PLEKHA4: variants seen among roughly 807,000 people sequenced by gnomAD.
PLEKHA4 encodes pleckstrin homology domain containing A4.
In PLEKHA4, 73 loss-of-function variants were observed where a neutral mutation model predicts 94.7. The observed-to-expected ratio is 0.77, with a 90% CI of 0.64 to 0.94. The LOEUF is 0.94. PLEKHA4 is among the 40% of genes least tolerant of loss of function. The pLI is 0.00. For synonymous variants in PLEKHA4, 449 were observed against 437.1 expected (o/e 1.03, Z -0.34); for missense variants, 1,049 against 1,054.1 (o/e 1.00, Z 0.07).
chr19:48,842,175 C>T (rs1199367914), intron 16 of PLEKHA4, among the ~76,000 whole-genome samples: 1 of 136,640 alleles, frequency 7.3e-6, no homozygotes, highest in African/African-American at 2.9e-5. Context: ...GACAGAGTCT[C>T]GCTTTGTCAC....
At chr19:48,859,299 C>A (rs538216303) in intron 7 of PLEKHA4, 160 bp from the exon 8 acceptor site, 3 of 904,702 alleles carry the variant, frequency 3.3e-6, no homozygotes, top group Non-Finnish European at 5.1e-6. Context: ...CAGTAATGTC[C>A]GCTTTGTGGC....
chr19:48,843,407 C>T (rs2035840090), intron 16 of PLEKHA4, among the ~76,000 whole-genome samples: 2 of 151,892 alleles, frequency 1.3e-5, no homozygotes, highest in African/African-American at 4.8e-5. Flanking sequence ...TTTCGAACTC[C>T]TGACCTTGTG....
chr19:48,854,394 G>A (rs2036324323), intron 9 of PLEKHA4, 130 bp from the exon 10 acceptor site: 5 of 829,046 alleles, frequency 6.0e-6, no homozygotes, highest in African/African-American at 1.7e-5. Flanking sequence ...TTAGAGATAG[G>A]GTCTTGCTCT....
intron 9 of PLEKHA4, among the ~76,000 whole-genome samples, chr19:48,856,929 GAA>G (rs1167848701): frequency 8.1e-6 from 1 of 124,170 alleles, no homozygotes; most frequent in Non-Finnish European, 1.6e-5. Flanking sequence ...AAGAAAGAAA[GAA>G]AAGAAAAGAA....
At chr19:48,859,318 C>G in intron 7 of PLEKHA4, 151 bp downstream of exon 7, 1 of 930,616 alleles carries the variant, frequency 1.1e-6, no homozygotes, top group Non-Finnish European at 1.6e-6. Context: ...GCATCTTCCC[C>G]TCCAGTCTTC....
Position 48,854,164 on chromosome 19 carries a change from A to G in PLEKHA4, c.1095+53T>C, listed in dbSNP as rs1222107671. ...TGCCGCTCCTCCCATCATCTAGAAC[A>G]TTCTCTCCCCAACTCTGGGAACTCA... On this transcript the variant is annotated intron_variant, in intron 10 of 19. Coordinates refer to ENST00000263265, the MANE Select transcript of PLEKHA4 (RefSeq NM_020904.3). 8 of 1,612,434 alleles carry G rather than the reference A, an allele frequency of 5.0e-6. No individual in the cohort carries two copies. The South Asian group carries it at 7.7e-5, about 15-fold the overall frequency.
At chr19:48,858,424 C>T (rs972122308) in intron 8 of PLEKHA4, among the ~76,000 whole-genome samples, 6 of 151,902 alleles carry the variant, frequency 3.9e-5, no homozygotes, top group Admixed American at 6.6e-5. Flanking sequence ...GTCAGGAGTT[C>T]GAGACCAGCT....
At chr19:48,856,941 AAAAG>A (rs1439372429) in intron 9 of PLEKHA4, among the ~76,000 whole-genome samples, 1 of 127,924 alleles carries the variant, frequency 7.8e-6, no homozygotes, top group South Asian at 2.4e-4. Flanking sequence ...AAAGAAAAGA[AAAAG>A]AAAGAGAAAG....
intron 16 of PLEKHA4, 111 bp from the exon 17 acceptor site, chr19:48,841,421 G>A: frequency 8.4e-7 from 1 of 1,188,734 alleles, no homozygotes; most frequent in Non-Finnish European, 1.1e-6. Context: ...GAGGTCAGGA[G>A]TTGAAGACCA....
chr19:48,844,128 ATTATTATT>A (rs2035872625), intron 16 of PLEKHA4, among the ~76,000 whole-genome samples: 1 of 45,364 alleles, frequency 2.2e-5, no homozygotes, highest in Admixed American at 3.0e-4. Context: ...TTTTATTATT[ATTATTATT>A]ATTATTATTA....
intron 9 of PLEKHA4, among the ~76,000 whole-genome samples, chr19:48,855,085 T>C (rs147563029): frequency 2.9e-4 from 44 of 152,204 alleles, no homozygotes; most frequent in Middle Eastern, 6.8e-3. Context: ...TTCAGAAAGA[T>C]CAATAATGGG....
chr19:48,855,718 G>C (rs1350640755), intron 9 of PLEKHA4, among the ~76,000 whole-genome samples: 1 of 152,030 alleles, frequency 6.6e-6, no homozygotes, highest in African/African-American at 2.4e-5. Flanking sequence ...GGGCCCAGGA[G>C]ACTGAGGCTG....
chr19:48,848,130 TG>T, intron 13 of PLEKHA4, 90 bp from the exon 14 acceptor site: 1 of 1,349,582 alleles, frequency 7.4e-7, no homozygotes, highest in Non-Finnish European at 1.0e-6. Flanking sequence ...TGAAATCAGC[TG>T]GGCTATATTT....
rs1441389290 is a variant in PLEKHA4, at chr19:48,845,076, G to A, written c.1743+294C>T. On this transcript the variant is annotated intron_variant, in intron 16 of 19. Coordinates refer to ENST00000263265, the MANE Select transcript of PLEKHA4 (RefSeq NM_020904.3). ...GCTGGGATTACAGGCGTGAGCCACC[G>A]CGCCTGGCCTCATTCATCTAGTTTT... is the stretch of plus-strand genomic sequence containing the variant. The A allele has an allele frequency of 7.8e-5, 19 of 243,836 alleles. No individual in the cohort carries two copies. In the East Asian group the frequency reaches 1.4e-3, roughly 18 times the overall value. 15.1% of individuals were successfully genotyped at this position (243,836 alleles called of 1,614,324 possible).
Position 48,837,628 on chromosome 19 carries a change from G to A in PLEKHA4, c.2078-77C>T. On this transcript the variant is annotated intron_variant, in intron 19 of 19. Coordinates refer to ENST00000263265, the MANE Select transcript of PLEKHA4 (RefSeq NM_020904.3). The surrounding 1 kb of genome is among the most constrained non-coding windows in gnomAD (Gnocchi z 4.3). ...CGGATTCCCAGCCCCTCCTCCCTCAGACCCAGGACTCCGGATTCCCAGCCC... is the reference window on the plus strand; with the variant it reads ...CGGATTCCCAGCCCCTCCTCCCTCAAACCCAGGACTCCGGATTCCCAGCCC... 1 of 1,536,446 alleles carries A rather than the reference G, an allele frequency of 6.5e-7. No homozygotes were observed. Among genetic ancestry groups the A allele is most frequent in the Non-Finnish European group, 8.9e-7 (1 of 1,127,140 alleles).
chr19:48,858,573 G>A (rs1034884196), intron 8 of PLEKHA4, among the ~76,000 whole-genome samples: 3 of 145,476 alleles, frequency 2.1e-5, no homozygotes, highest in African/African-American at 8.2e-5. Flanking sequence ...GTTGTAGTGA[G>A]CCGAGATCGT....
At chr19:48,860,225 A>G in intron 6 of PLEKHA4, 125 bp downstream of exon 6, 2 of 767,610 alleles carry the variant, frequency 2.6e-6, no homozygotes, top group Admixed American at 2.5e-5. Flanking sequence ...CTAGAAGACG[A>G]GGCGCCTTAG....
intron 3 of PLEKHA4, 92 bp from the exon 4 acceptor site, chr19:48,861,784 G>A: frequency 8.5e-7 from 1 of 1,175,994 alleles, no homozygotes; most frequent in Admixed American, 2.0e-5. Context: ...GCCAGAGAGA[G>A]AAAGAAACTT....
Position 48,867,583 on chromosome 19 carries a change from G to A in PLEKHA4, c.38C>T (p.Ala13Val). The change falls in exon 2 of 20, where the codon GCC becomes GTC. Residue 13 changes from alanine (A) to valine (V), a missense_variant. Ala to Val is a moderately conservative substitution (Grantham distance 64). Transcript: ENST00000263265. The surrounding 1 kb of genome is among the most constrained non-coding windows in gnomAD (Gnocchi z 4.7). ...GSRPRSSLSLASSASTISSLS... is the reference protein window; with the variant it reads ...GSRPRSSLSLVSSASTISSLS... ...CGAGGAGATGGTGGAGGCGCTGCTG[G>A]CCAGGCTCAGGCTGCTGCGAGGTCG... 1 of 1,602,768 alleles carries A rather than the reference G, an allele frequency of 6.2e-7. No individual in the cohort carries two copies. The highest frequency in any genetic ancestry group is 1.7e-5 in the Admixed American group (1 of 57,996).
Sources: gnomAD v4.1 joint callset for allele counts (sites outside exome capture counted in the v4.1 genomes callset) on GRCh38, gnomAD v4.1.1 for gene constraint, Gnocchi (gnomAD v3.1) non-coding constraint, MANE v1.5 for transcripts, NCBI Gene and HGNC (gene_info 2026-07-23, HGNC 2026-07-21) for gene names.